Variants in INTS9 observed in about 807,000 individuals in gnomAD.
INTS9 encodes integrator complex subunit 9.
In INTS9, 55 loss-of-function variants were observed where a neutral mutation model predicts 79.7. That is an observed-to-expected ratio of 0.69 (90% CI 0.56 to 0.86). The LOEUF (loss-of-function observed/expected upper bound fraction) is 0.86, where lower values mean the gene tolerates loss of function less well. Among genes scored for constraint, INTS9 ranks in the 40% least tolerant of loss-of-function variants. The pLI is 0.00. For synonymous variants in INTS9, 319 were observed against 325.2 expected (o/e 0.98, Z 0.20); for missense variants, 721 against 831.5 (o/e 0.87, Z 1.64).
At chr8:28,806,608 G>T (rs1376566645) in intron 8 of INTS9, among the ~76,000 whole-genome samples, 1 of 152,192 alleles carries the variant, frequency 6.6e-6, no homozygotes, top group Non-Finnish European at 1.5e-5. Context: ...TACAAAAATA[G>T]ATTGTGCTTC....
chr8:28,783,161 A>C (rs1484929612), intron 11 of INTS9, among the ~76,000 whole-genome samples: 1 of 119,400 alleles, frequency 8.4e-6, no homozygotes, highest in Non-Finnish European at 1.9e-5. Flanking sequence ...AAAAAAAAAA[A>C]AAAAAAAAGA....
In INTS9 at chr8:28,790,657, C is replaced by A. The variant is rs372387663; in HGVS notation, c.1038-2768G>T. ...CTACTTCTTTAACTATTTGTCTTCA[C>A]ACTTTTCCTAAATATTTGTTCTCTA... On this transcript the variant is annotated intron_variant, in intron 10 of 16. Coordinates refer to ENST00000521022, the MANE Select transcript of INTS9 (RefSeq NM_018250.4). Among the ~76,000 whole-genome samples the A allele has an allele frequency of 6.8e-4, 104 of 152,244 alleles. 2 individuals carry two copies. The South Asian group carries it at 0.021, about 31-fold the overall frequency.
At chr8:28,773,202 G>A (rs1040857902) in intron 14 of INTS9, among the ~76,000 whole-genome samples, 2 of 152,172 alleles carry the variant, frequency 1.3e-5, no homozygotes, top group East Asian at 3.9e-4. Flanking sequence ...AGTGGCTCAC[G>A]CCTGTAATCC....
chr8:28,782,360 C>T (rs961781693), intron 11 of INTS9, among the ~76,000 whole-genome samples: 3 of 152,236 alleles, frequency 2.0e-5, no homozygotes, highest in African/African-American at 7.2e-5. Context: ...ATTCGTCACA[C>T]CAGAAACACT....
intron 6 of INTS9, among the ~76,000 whole-genome samples, chr8:28,814,282 T>TCACACACACACACA (rs1491258772): frequency 1.1e-5 from 1 of 88,084 alleles, no homozygotes; most frequent in African/African-American, 5.0e-5. Flanking sequence ...GAACAGGGCT[T>TCACACACACACACA]CTCACACACA....
At chr8:28,780,062 TTTTTTTC>T (rs1221331609) in intron 12 of INTS9, among the ~76,000 whole-genome samples, 1 of 150,824 alleles carries the variant, frequency 6.6e-6, no homozygotes, top group Non-Finnish European at 1.5e-5. Flanking sequence ...GGTTTTTTTT[TTTTTTTC>T]TTTTTTCTTC....
At chr8:28,860,599 C>A (rs1410429506) in intron 1 of INTS9, among the ~76,000 whole-genome samples, 1 of 152,090 alleles carries the variant, frequency 6.6e-6, no homozygotes, top group Non-Finnish European at 1.5e-5. Flanking sequence ...GCCTCAGCCT[C>A]CCAAGTAGCT....
intron 1 of INTS9, among the ~76,000 whole-genome samples, chr8:28,885,598 C>G (rs917791935): frequency 2.6e-5 from 4 of 152,216 alleles, no homozygotes; most frequent in African/African-American, 9.7e-5. Context: ...GTACAACACA[C>G]AGGCTGCATT....
At position 28,859,575 on chromosome 8, in the gene INTS9, T is replaced by C. The variant is rs753706517; in HGVS notation, c.10-12A>G. 2.5e-6 allele frequency: 4 copies of C among 1,613,574 alleles called. No individual in the cohort carries two copies. The South Asian group carries it at 4.4e-5, about 18-fold the overall frequency. ...CCTGACAGGCAATACTGAAAAAAAT[T>C]AAATCACTTTGATCAGTAATCAATT... On this transcript the variant is annotated splice_polypyrimidine_tract_variant and intron_variant, in intron 1 of 16. Coordinates refer to ENST00000521022, the MANE Select transcript of INTS9 (RefSeq NM_018250.4).
chr8:28,820,844 A>G (rs1805788503), intron 6 of INTS9, among the ~76,000 whole-genome samples: 1 of 152,170 alleles, frequency 6.6e-6, no homozygotes, highest in Non-Finnish European at 1.5e-5. Context: ...GACAGACTAC[A>G]TGCAGGTTAA....
At chr8:28,805,946 C>T (rs772019396) in intron 8 of INTS9, among the ~76,000 whole-genome samples, 4 of 151,880 alleles carry the variant, frequency 2.6e-5, no homozygotes, top group South Asian at 2.1e-4. Flanking sequence ...AAAAAAATCC[C>T]GGCCAAGCAC....
intron 1 of INTS9, among the ~76,000 whole-genome samples, chr8:28,881,093 C>T (rs1239411059): frequency 1.3e-5 from 2 of 149,558 alleles, no homozygotes; most frequent in Non-Finnish European, 3.0e-5. Flanking sequence ...GGAGCGTCTC[C>T]GCCCGGCAGC....
chr8:28,800,549 G>A (rs1447472048), intron 8 of INTS9, among the ~76,000 whole-genome samples: 5 of 152,318 alleles, frequency 3.3e-5, no homozygotes, highest in South Asian at 4.1e-4. Flanking sequence ...ACCAAAGGAG[G>A]TGGGTGAGAT....
chr8:28,835,449 G>GTTTTT, intron 5 of INTS9, 71 bp from the exon 6 acceptor site: 1 of 1,115,458 alleles, frequency 9.0e-7, no homozygotes, highest in South Asian at 1.3e-5. Context: ...TCTAACAGTT[G>GTTTTT]GCCAGGAGAA....
intron 1 of INTS9, among the ~76,000 whole-genome samples, chr8:28,870,349 C>CCT (rs1809016359): frequency 1.2e-5 from 1 of 80,576 alleles, no homozygotes; most frequent in African/African-American, 4.8e-5. Context: ...CAGAAAAAAG[C>CCT]TTTTTTTTTT....
intron 5 of INTS9, among the ~76,000 whole-genome samples, chr8:28,835,587 A>C (rs1411221216): frequency 6.6e-6 from 1 of 152,202 alleles, no homozygotes; most frequent in African/African-American, 2.4e-5. Context: ...CATGCTAAAA[A>C]TTCTGAACTT....
chr8:28,771,113 C>T (rs1802512748), intron 14 of INTS9, 33 bp from the exon 15 acceptor site: 1 of 1,411,930 alleles, frequency 7.1e-7, no homozygotes, highest in Non-Finnish European at 9.9e-7. Flanking sequence ...AGGCTGGGGG[C>T]CTTTAATGAT....
At chr8:28,800,837 C>T (rs1453832235) in intron 8 of INTS9, among the ~76,000 whole-genome samples, 2 of 152,156 alleles carry the variant, frequency 1.3e-5, no homozygotes, top group Non-Finnish European at 2.9e-5. Context: ...TAAACAAATG[C>T]ACATAAATGG....
intron 11 of INTS9, among the ~76,000 whole-genome samples, chr8:28,784,991 C>G (rs968218341): frequency 1.3e-5 from 2 of 151,544 alleles, no homozygotes; most frequent in African/African-American, 4.9e-5. Flanking sequence ...TTCCCTTGTC[C>G]TCTAGGTCTC....
Sources: gnomAD v4.1 joint callset for allele counts (sites outside exome capture counted in the v4.1 genomes callset) on GRCh38, gnomAD v4.1.1 for gene constraint, MANE v1.5 for transcripts, NCBI Gene and HGNC (gene_info 2026-07-23, HGNC 2026-07-21) for gene names.